Variants in CLSTN2 observed in about 807,000 individuals in gnomAD.
CLSTN2 encodes calsyntenin-2.
In CLSTN2, 48 loss-of-function variants were observed where a neutral mutation model predicts 101.2. The observed-to-expected ratio is 0.47, with a 90% CI of 0.38 to 0.60. CLSTN2 has a LOEUF of 0.60. CLSTN2 is among the 20% of genes least tolerant of loss of function. The pLI, the probability that CLSTN2 is intolerant of heterozygous loss-of-function variation, is 0.00. For synonymous variants in CLSTN2, 481 were observed against 463.6 expected (o/e 1.04, Z -0.48); for missense variants, 1,160 against 1,238.2 (o/e 0.94, Z 0.95).
intron 2 of CLSTN2, among the ~76,000 whole-genome samples, chr3:140,304,608 G>A (rs185896549): frequency 6.6e-6 from 1 of 152,198 alleles, no homozygotes; most frequent in African/African-American, 2.4e-5. Flanking sequence ...CATATTGGGA[G>A]CTAGGGCTTC....
At chr3:140,105,741 T>C (rs2009046258) in intron 1 of CLSTN2, among the ~76,000 whole-genome samples, 1 of 152,152 alleles carries the variant, frequency 6.6e-6, no homozygotes, top group Non-Finnish European at 1.5e-5. Flanking sequence ...TCATAGACAT[T>C]TAGCATCTTA....
chr3:140,409,984 A>G (rs982425908), intron 4 of CLSTN2, among the ~76,000 whole-genome samples: 1 of 152,074 alleles, frequency 6.6e-6, no homozygotes, highest in Non-Finnish European at 1.5e-5. Context: ...AGGTCATTTG[A>G]AGTTGTCCAG....
chr3:140,018,389 C>T (rs2007243186), intron 1 of CLSTN2, among the ~76,000 whole-genome samples: 1 of 152,186 alleles, frequency 6.6e-6, no homozygotes, highest in Non-Finnish European at 1.5e-5. Flanking sequence ...CCTGCTTGAG[C>T]ACGGGGGTTG....
chr3:140,149,394 C>T (rs1257604954), intron 1 of CLSTN2, among the ~76,000 whole-genome samples: 2 of 152,206 alleles, frequency 1.3e-5, no homozygotes, highest in Non-Finnish European at 2.9e-5. Context: ...AAGCCTTCCT[C>T]TTCACCCATG....
At chr3:140,320,345 C>A (rs1000319387) in intron 2 of CLSTN2, among the ~76,000 whole-genome samples, 1 of 152,092 alleles carries the variant, frequency 6.6e-6, no homozygotes, top group African/African-American at 2.4e-5. Context: ...GAGTTTCAGT[C>A]ATGGGTTTAA....
chr3:139,997,083 A>T (rs1484980624), intron 1 of CLSTN2, among the ~76,000 whole-genome samples: 4 of 151,172 alleles, frequency 2.6e-5, no homozygotes, highest in Admixed American at 6.6e-5. Context: ...GAAATACCTG[A>T]TCGTGACTGC....
chr3:140,252,086 G>A (rs577542204), intron 2 of CLSTN2, among the ~76,000 whole-genome samples: 53 of 152,246 alleles, frequency 3.5e-4, no homozygotes, highest in African/African-American at 1.2e-3. Context: ...ACACGATGAG[G>A]CATGAACTTT....
chr3:140,302,801 G>T (rs2107910824), intron 2 of CLSTN2, among the ~76,000 whole-genome samples: 1 of 152,292 alleles, frequency 6.6e-6, no homozygotes, highest in South Asian at 2.1e-4. Context: ...CAGGTGGGAG[G>T]GTTGGAGACA....
chr3:140,064,481 G>GA (rs905028065), intron 1 of CLSTN2, among the ~76,000 whole-genome samples: 2 of 152,002 alleles, frequency 1.3e-5, no homozygotes, highest in Non-Finnish European at 2.9e-5. Context: ...CACATGGAAA[G>GA]AAAAAAAGCA....
chr3:140,227,011 C>G (rs1383657083), intron 2 of CLSTN2, among the ~76,000 whole-genome samples: 1 of 152,102 alleles, frequency 6.6e-6, no homozygotes, highest in Non-Finnish European at 1.5e-5. Flanking sequence ...ACAACCAAAC[C>G]ATATTATTCT....
At chr3:140,301,704 C>T (rs1204194364) in intron 2 of CLSTN2, among the ~76,000 whole-genome samples, 2 of 152,220 alleles carry the variant, frequency 1.3e-5, no homozygotes, top group Non-Finnish European at 2.9e-5. Flanking sequence ...ATCTCAAGGA[C>T]TTACAGTTGG....
chr3:140,504,873 G>A (rs1934653993), intron 8 of CLSTN2, among the ~76,000 whole-genome samples: 1 of 152,048 alleles, frequency 6.6e-6, no homozygotes, highest in Non-Finnish European at 1.5e-5. Context: ...AGGGGAAAGA[G>A]TATTACTGGA....
intron 1 of CLSTN2, among the ~76,000 whole-genome samples, chr3:140,071,941 A>G (rs186401646): frequency 7.7e-4 from 118 of 152,336 alleles, no homozygotes; most frequent in South Asian, 5.0e-3. Flanking sequence ...ACTATGATAT[A>G]TCTTTATCTG....
chr3:140,381,402 A>C (rs751307451), intron 2 of CLSTN2, among the ~76,000 whole-genome samples: 5 of 152,186 alleles, frequency 3.3e-5, no homozygotes, highest in Non-Finnish European at 5.9e-5. Context: ...CACCCATAAC[A>C]GTTCCTAAGG....
chr3:140,326,089 A>G (rs1237342179), intron 2 of CLSTN2, among the ~76,000 whole-genome samples: 1 of 152,236 alleles, frequency 6.6e-6, no homozygotes, highest in Non-Finnish European at 1.5e-5. Flanking sequence ...TTAATGCATT[A>G]TAATAAGTAC....
At chr3:139,982,338 GTATAT>G (rs1185382452) in intron 1 of CLSTN2, among the ~76,000 whole-genome samples, 4 of 151,198 alleles carry the variant, frequency 2.6e-5, no homozygotes, top group Non-Finnish European at 4.4e-5. Flanking sequence ...GTGAATGATA[GTATAT>G]TATATTAATA....
intron 1 of CLSTN2, among the ~76,000 whole-genome samples, chr3:140,087,636 G>A (rs1247290769): frequency 6.6e-6 from 1 of 152,168 alleles, no homozygotes; most frequent in Non-Finnish European, 1.5e-5. Flanking sequence ...TGTGCTTTGA[G>A]AGTCAAATGG....
chr3:139,987,549 A>G (rs1936046585), intron 1 of CLSTN2, among the ~76,000 whole-genome samples: 1 of 152,224 alleles, frequency 6.6e-6, no homozygotes, highest in South Asian at 2.1e-4. Context: ...CCATTATGCC[A>G]TCGGCTTAGA....
At chr3:140,205,035 A>G (rs2010762489) in intron 2 of CLSTN2, among the ~76,000 whole-genome samples, 1 of 152,160 alleles carries the variant, frequency 6.6e-6, no homozygotes, top group African/African-American at 2.4e-5. Flanking sequence ...AGAGTGGAAG[A>G]GGGAGGCTTA....
Sources: gnomAD v4.1 joint callset for allele counts (sites outside exome capture counted in the v4.1 genomes callset) on GRCh38, gnomAD v4.1.1 for gene constraint, MANE v1.5 for transcripts, NCBI Gene and HGNC (gene_info 2026-07-23, HGNC 2026-07-21) for gene names.